Variants in PTPRG observed in about 807,000 individuals in gnomAD.
PTPRG encodes protein tyrosine phosphatase receptor type G, also known as receptor-type tyrosine-protein phosphatase gamma.
A neutral mutation model predicts 165.3 loss-of-function variants in PTPRG; 102 were observed. The ratio of observed to expected loss-of-function variants is 0.62; its 90% CI spans 0.53 to 0.73. The LOEUF (loss-of-function observed/expected upper bound fraction) is 0.73. Among genes scored for constraint, PTPRG ranks in the 30% least tolerant of loss-of-function variants. PTPRG has a pLI of 0.00. For missense variants in PTPRG, 1,866 were observed against 1,861.4 expected (o/e 1.00, Z -0.05); for synonymous variants, 675 against 669.5 (o/e 1.01, Z -0.13).
intron 2 of PTPRG, among the ~76,000 whole-genome samples, chr3:61,776,638 C>T (rs1559605815): frequency 1.3e-5 from 2 of 150,728 alleles, no homozygotes; most frequent in African/African-American, 4.8e-5. Flanking sequence ...ATCCTTTTAA[C>T]TGGAACATCT....
intron 4 of PTPRG, among the ~76,000 whole-genome samples, chr3:62,076,916 C>T (rs1179517539): frequency 6.6e-6 from 1 of 152,108 alleles, no homozygotes; most frequent in African/African-American, 2.4e-5. Flanking sequence ...AAATGTGTGC[C>T]AGCATTAAAG....
chr3:61,807,358 A>G (rs746658671), intron 2 of PTPRG, among the ~76,000 whole-genome samples: 4 of 152,206 alleles, frequency 2.6e-5, no homozygotes, highest in Non-Finnish European at 5.9e-5. Context: ...TCATTACTCA[A>G]GTTTACATCC....
intron 2 of PTPRG, among the ~76,000 whole-genome samples, chr3:61,928,804 ATGTAT>A (rs1447095847): frequency 6.6e-6 from 1 of 152,122 alleles, no homozygotes; most frequent in Non-Finnish European, 1.5e-5. Context: ...AAGGTATCAG[ATGTAT>A]TGTGACAGTC....
chr3:61,574,101 G>T (rs1216873610), intron 1 of PTPRG, among the ~76,000 whole-genome samples: 1 of 151,908 alleles, frequency 6.6e-6, no homozygotes, highest in African/African-American at 2.4e-5. Context: ...TGTATCAAAA[G>T]TGGCCTTGGC....
chr3:61,780,705 A>G (rs1038235262), intron 2 of PTPRG, among the ~76,000 whole-genome samples: 3 of 152,180 alleles, frequency 2.0e-5, no homozygotes, highest in Non-Finnish European at 2.9e-5. Flanking sequence ...ATGATCTGCC[A>G]CACCCCATGA....
chr3:61,800,421 G>C (rs1247698371), intron 2 of PTPRG, among the ~76,000 whole-genome samples: 3 of 151,998 alleles, frequency 2.0e-5, no homozygotes, highest in Non-Finnish European at 4.4e-5. Context: ...ACAAGAACTT[G>C]GAGAGTTTCC....
intron 2 of PTPRG, among the ~76,000 whole-genome samples, chr3:61,961,304 A>G (rs1180210400): frequency 6.6e-6 from 1 of 152,186 alleles, no homozygotes; most frequent in Non-Finnish European, 1.5e-5. Flanking sequence ...GTTGTTTCCA[A>G]ATAATACCTT....
chr3:62,134,372 C>A (rs1159194369), intron 6 of PTPRG, among the ~76,000 whole-genome samples: 1 of 152,190 alleles, frequency 6.6e-6, no homozygotes, highest in Non-Finnish European at 1.5e-5. Context: ...TTAAGACACA[C>A]ACAGGCCAGC....
chr3:62,199,884 T>C (rs1449761265), intron 10 of PTPRG, among the ~76,000 whole-genome samples: 1 of 152,208 alleles, frequency 6.6e-6, no homozygotes, highest in Non-Finnish European at 1.5e-5. Context: ...ATAAACAAAA[T>C]GTGCTATATA....
intron 2 of PTPRG, among the ~76,000 whole-genome samples, chr3:61,863,225 C>T (rs1475974413): frequency 1.3e-5 from 2 of 152,194 alleles, no homozygotes; most frequent in African/African-American, 4.8e-5. Context: ...TTGTCTTGGA[C>T]TGAGACAGTG....
intron 2 of PTPRG, among the ~76,000 whole-genome samples, chr3:61,759,670 A>G (rs1229298389): frequency 6.6e-6 from 1 of 152,132 alleles, no homozygotes; most frequent in African/African-American, 2.4e-5. Flanking sequence ...AATAATAATA[A>G]GAATACTAAC....
rs1042308542 is a variant in PTPRG, at chr3:61,562,056, G to A, written c.-232G>A. The A allele has an allele frequency of 1.1e-5, 6 of 536,418 alleles. No homozygotes were observed. Among genetic ancestry groups the A allele is most frequent in the Non-Finnish European group, 2.0e-5 (6 of 301,274 alleles). 33.2% of individuals were successfully genotyped at this position (536,418 alleles called of 1,614,324 possible). On this transcript the variant is annotated 5_prime_UTR_variant, in exon 1 of 30. Transcript: ENST00000474889. ...AAACGGAAAGCAGCCTTTCTCCGCC[G>A]AGAGGATCGTCCCCAGCGTGGCTCT...
At chr3:61,654,258 A>G (rs1702447848) in intron 1 of PTPRG, among the ~76,000 whole-genome samples, 1 of 152,138 alleles carries the variant, frequency 6.6e-6, no homozygotes, top group Non-Finnish European at 1.5e-5. Flanking sequence ...TATGCTAGAT[A>G]ATTGATGTGC....
chr3:61,792,199 C>T (rs756834153), intron 2 of PTPRG, among the ~76,000 whole-genome samples: 1 of 151,078 alleles, frequency 6.6e-6, no homozygotes, highest in Non-Finnish European at 1.5e-5. Flanking sequence ...TTTCTTGAGG[C>T]GGGGAGTTGG....
chr3:61,678,127 G>C (rs761721013), intron 1 of PTPRG, among the ~76,000 whole-genome samples: 14 of 152,118 alleles, frequency 9.2e-5, no homozygotes, highest in Non-Finnish European at 2.1e-4. Flanking sequence ...AGCTCAGCTC[G>C]TGCTGTTTCC....
chr3:62,184,842 GACTCC>G (rs904063688), intron 8 of PTPRG, among the ~76,000 whole-genome samples: 2 of 152,208 alleles, frequency 1.3e-5, no homozygotes, highest in African/African-American at 4.8e-5. Context: ...CTGTCTCTTT[GACTCC>G]TGATCAATAT....
At chr3:61,700,575 C>T (rs2030898176) in intron 1 of PTPRG, among the ~76,000 whole-genome samples, 1 of 152,146 alleles carries the variant, frequency 6.6e-6, no homozygotes, top group African/African-American at 2.4e-5. Context: ...TTACCTCTTC[C>T]AGCCGTGATA....
intron 28 of PTPRG, among the ~76,000 whole-genome samples, chr3:62,288,668 G>A (rs1217421853): frequency 3.5e-5 from 5 of 143,888 alleles, no homozygotes; most frequent in Non-Finnish European, 6.0e-5. Context: ...GTGATACTCC[G>A]TCACAAAAAA....
chr3:61,869,324 T>A (rs768187465), intron 2 of PTPRG, among the ~76,000 whole-genome samples: 8 of 152,214 alleles, frequency 5.3e-5, no homozygotes, highest in Non-Finnish European at 8.8e-5. Context: ...AAGTACAGAA[T>A]GAAAGACCAT....
Sources: gnomAD v4.1 joint callset for allele counts (sites outside exome capture counted in the v4.1 genomes callset) on GRCh38, gnomAD v4.1.1 for gene constraint, MANE v1.5 for transcripts, NCBI Gene and HGNC (gene_info 2026-07-23, HGNC 2026-07-21) for gene names.